EPYC: variants seen among roughly 807,000 people sequenced by gnomAD.
EPYC encodes epiphycan.
In EPYC, 28 loss-of-function variants were observed where a neutral mutation model predicts 30.1. That is an observed-to-expected ratio of 0.93 (90% CI 0.69 to 1.28). The LOEUF (loss-of-function observed/expected upper bound fraction) is 1.28, where lower values mean the gene tolerates loss of function less well. EPYC is among the 50% of genes most tolerant of loss of function. EPYC has a pLI of 0.00. For missense variants in EPYC, 382 were observed against 383.5 expected, an observed-to-expected ratio of 1.00 and a Z score of 0.03; for synonymous variants, 144 against 141.4, an observed-to-expected ratio of 1.02 and a Z score of -0.13.
chr12:90,973,658 G>A (rs1877109147), intron 3 of EPYC, among the ~76,000 whole-genome samples: 1 of 152,126 alleles, frequency 6.6e-6, no homozygotes, highest in Admixed American at 6.6e-5. Flanking sequence ...ATGCAGGTAG[G>A]ACAGGAATGG....
At chr12:90,987,826 T>A (rs1877488875) in intron 2 of EPYC, among the ~76,000 whole-genome samples, 1 of 152,164 alleles carries the variant, frequency 6.6e-6, no homozygotes, top group South Asian at 2.1e-4. Context: ...GTAATAGCCT[T>A]ACCTGAGTAC....
intron 2 of EPYC, among the ~76,000 whole-genome samples, chr12:90,984,465 G>A (rs1877401327): frequency 6.6e-6 from 1 of 152,064 alleles, no homozygotes; most frequent in African/African-American, 2.4e-5. Flanking sequence ...TGAAAAAGAT[G>A]TGGCTCATTT....
At chr12:90,984,780 G>A (rs1877408950) in intron 2 of EPYC, among the ~76,000 whole-genome samples, 2 of 152,002 alleles carry the variant, frequency 1.3e-5, no homozygotes, top group South Asian at 4.2e-4. Flanking sequence ...AAGGAAACAA[G>A]CAAAGAAATC....
At chr12:90,966,194 C>A (rs1046631702) in intron 6 of EPYC, among the ~76,000 whole-genome samples, 5 of 152,006 alleles carry the variant, frequency 3.3e-5, no homozygotes, top group African/African-American at 1.2e-4. Flanking sequence ...AGTGGTGAGA[C>A]AAACAATTTT....
chr12:90,980,313 G>C (rs949453168), intron 2 of EPYC, among the ~76,000 whole-genome samples: 2 of 152,118 alleles, frequency 1.3e-5, no homozygotes, highest in Non-Finnish European at 2.9e-5. Context: ...AATATAATGA[G>C]GCAAAACAGC....
rs751185208 is a variant in EPYC at position 90,970,128 on chromosome 12, A to T, written c.714T>A (p.Asp238Glu). Residue 238 changes from aspartate to glutamate, a missense_variant, in exon 6 of 7, where the codon GAT (aspartate) becomes GAA (glutamate). Physicochemically the swap from Asp to Glu is conservative, Grantham distance 45. Transcript: ENST00000261172. The part of the protein sequence containing the change: ...IKQEAFKDMY[D>E]LHHLYLTDNN... ...TATCAGTGAGGTACAGATGATGGAGATCATACATGTCCTGTAAACATTCCA... is the reference window on the plus strand; with the variant it reads ...TATCAGTGAGGTACAGATGATGGAGTTCATACATGTCCTGTAAACATTCCA... The T allele has an allele frequency of 6.2e-7, 1 of 1,612,286 alleles. No individual in the cohort carries two copies.
At chr12:90,986,884 C>T (rs1390129531) in intron 2 of EPYC, among the ~76,000 whole-genome samples, 1 of 152,142 alleles carries the variant, frequency 6.6e-6, no homozygotes, top group Non-Finnish European at 1.5e-5. Context: ...TGATTAATCT[C>T]TCCCCATGGG....
chr12:90,979,410 T>C (rs1877272564), intron 2 of EPYC, among the ~76,000 whole-genome samples: 1 of 152,174 alleles, frequency 6.6e-6, no homozygotes, highest in South Asian at 2.1e-4. Flanking sequence ...GATTACTTAA[T>C]ACCAAGTGAT....
At chr12:90,967,228 C>T (rs1460290617) in intron 6 of EPYC, among the ~76,000 whole-genome samples, 4 of 151,978 alleles carry the variant, frequency 2.6e-5, no homozygotes, top group Non-Finnish European at 4.4e-5. Context: ...TTTTAATATA[C>T]GTATTTACAG....
intron 2 of EPYC, among the ~76,000 whole-genome samples, chr12:90,996,245 T>C (rs1877690946): frequency 6.6e-6 from 1 of 151,934 alleles, no homozygotes; most frequent in African/African-American, 2.4e-5. Context: ...AATGTTAAGA[T>C]ACTTTTTATA....
At chr12:91,003,531 T>A (rs557423194) in intron 1 of EPYC, among the ~76,000 whole-genome samples, 1 of 152,184 alleles carries the variant, frequency 6.6e-6, no homozygotes, top group South Asian at 2.1e-4. Context: ...GATCCTATAA[T>A]TTAATTATTT....
intron 2 of EPYC, among the ~76,000 whole-genome samples, chr12:90,979,886 A>G (rs1439106382): frequency 6.6e-6 from 1 of 152,206 alleles, no homozygotes; most frequent in African/African-American, 2.4e-5. Flanking sequence ...CAAATCAGTG[A>G]ATGTGCTAAT....
intron 5 of EPYC, among the ~76,000 whole-genome samples, chr12:90,970,883 ATGTT>A (rs1453354211): frequency 6.6e-6 from 1 of 152,174 alleles, no homozygotes; most frequent in Non-Finnish European, 1.5e-5. Flanking sequence ...TTACAATTAC[ATGTT>A]CAGTGTACAC....
At chr12:90,969,185 A>G (rs1276652340) in intron 6 of EPYC, among the ~76,000 whole-genome samples, 2 of 152,050 alleles carry the variant, frequency 1.3e-5, no homozygotes, top group East Asian at 3.9e-4. Flanking sequence ...TTAAATAGCA[A>G]AATCACTTTT....
At chr12:90,966,429 A>C (rs1876897988) in intron 6 of EPYC, among the ~76,000 whole-genome samples, 1 of 152,000 alleles carries the variant, frequency 6.6e-6, no homozygotes, top group Non-Finnish European at 1.5e-5. Context: ...TATTCTATTA[A>C]TATATTACAT....
intron 3 of EPYC, among the ~76,000 whole-genome samples, chr12:90,973,441 CAGT>C (rs1241290651): frequency 6.6e-6 from 1 of 152,148 alleles, no homozygotes; most frequent in Non-Finnish European, 1.5e-5. Context: ...GCTGGTGAAA[CAGT>C]GGTGAGCACA....
chr12:90,992,463 G>A (rs1429075979), intron 2 of EPYC, among the ~76,000 whole-genome samples: 1 of 152,188 alleles, frequency 6.6e-6, no homozygotes, highest in Non-Finnish European at 1.5e-5. Flanking sequence ...ATAACATCCA[G>A]GCTGGAGAAC....
At chr12:90,978,006 GGT>G (rs1308840709) in intron 3 of EPYC, 80 bp downstream of exon 3, 1 of 1,287,674 alleles carries the variant, frequency 7.8e-7, no homozygotes, top group Non-Finnish European at 1.0e-6. Context: ...CATGTCATGT[GGT>G]TTCCCTGTAG....
At chr12:90,994,246 A>T (rs1051678893) in intron 2 of EPYC, among the ~76,000 whole-genome samples, 2 of 152,166 alleles carry the variant, frequency 1.3e-5, no homozygotes, top group Non-Finnish European at 2.9e-5. Flanking sequence ...CCCTTCCTTT[A>T]AGGCATCTGT....
Sources: gnomAD v4.1 joint callset for allele counts (sites outside exome capture counted in the v4.1 genomes callset) on GRCh38, gnomAD v4.1.1 for gene constraint, MANE v1.5 for transcripts, NCBI Gene and HGNC (gene_info 2026-07-23, HGNC 2026-07-21) for gene names.